CAMKMT: variants seen among roughly 807,000 people sequenced by gnomAD.
CAMKMT encodes the protein CaM KMT.
A neutral mutation model predicts 48.0 loss-of-function variants in CAMKMT; 53 were observed. That is an observed-to-expected ratio of 1.10 (90% CI 0.89 to 1.39). The LOEUF (loss-of-function observed/expected upper bound fraction) is 1.39. Among genes scored for constraint, CAMKMT ranks in the 40% most tolerant of loss-of-function variants. The pLI is 0.00. For synonymous variants in CAMKMT, 165 were observed against 152.3 expected, an observed-to-expected ratio of 1.08 and a Z score of -0.61; for missense variants, 428 against 402.7, an observed-to-expected ratio of 1.06 and a Z score of -0.54.
intron 3 of CAMKMT, among the ~76,000 whole-genome samples, chr2:44,487,710 A>G (rs1384278751): frequency 6.6e-6 from 1 of 152,254 alleles, no homozygotes; most frequent in Admixed American, 6.5e-5. Flanking sequence ...AATGGATGCA[A>G]GTCCTCAAAT....
intron 9 of CAMKMT, 63 bp from the exon 10 acceptor site, chr2:44,766,367 T>C: frequency 6.3e-7 from 1 of 1,587,914 alleles, no homozygotes; most frequent in Non-Finnish European, 8.6e-7. Context: ...CTTTGACCAA[T>C]GTCTGTTATG....
chr2:44,668,332 A>G (rs1675123709), intron 3 of CAMKMT, among the ~76,000 whole-genome samples: 2 of 152,154 alleles, frequency 1.3e-5, no homozygotes, highest in Admixed American at 6.5e-5. Flanking sequence ...AAGGCTAGGC[A>G]TTCTTCTTAT....
chr2:44,745,795 G>C (rs577922816), intron 8 of CAMKMT, among the ~76,000 whole-genome samples: 1 of 152,100 alleles, frequency 6.6e-6, no homozygotes, highest in East Asian at 1.9e-4. Flanking sequence ...TCATATTCGC[G>C]GGGATGGGTA....
chr2:44,553,431 G>A (rs1667832683), intron 3 of CAMKMT, among the ~76,000 whole-genome samples: 1 of 151,304 alleles, frequency 6.6e-6, no homozygotes, highest in Non-Finnish European at 1.5e-5. Context: ...CGCAATCTTG[G>A]CTTACTGTAA....
intron 6 of CAMKMT, among the ~76,000 whole-genome samples, chr2:44,708,299 A>T (rs1463785067): frequency 7.3e-6 from 1 of 136,736 alleles, no homozygotes; most frequent in Non-Finnish European, 1.5e-5. Context: ...AAGCTCCTAA[A>T]CTGCCAAAGC....
In CAMKMT at chr2:44,715,286, G is replaced by A; in HGVS notation, c.557-1G>A. On this transcript the variant is annotated splice_acceptor_variant, in intron 6 of 10. Transcript: ENST00000378494. LOFTEE classifies it high-confidence loss of function. ...GATGTTTTCTTAACTGTGTCCTGTA[G>A]ATGTGCAAGACATCATCACAAGGAA... 1 of 1,609,208 alleles carries A rather than the reference G, an allele frequency of 6.2e-7. No individual in the cohort carries two copies. The highest frequency in any genetic ancestry group is 8.5e-7 in the Non-Finnish European group (1 of 1,176,980).
At chr2:44,766,369 T>C in intron 9 of CAMKMT, 61 bp from the exon 10 acceptor site, 1 of 1,591,972 alleles carries the variant, frequency 6.3e-7, no homozygotes. Flanking sequence ...TTGACCAATG[T>C]CTGTTATGTT....
chr2:44,577,411 G>C (rs919775886), intron 3 of CAMKMT, among the ~76,000 whole-genome samples: 3 of 152,056 alleles, frequency 2.0e-5, no homozygotes, highest in Admixed American at 1.3e-4. Flanking sequence ...TTAAGTTTAG[G>C]CATTAGAGAC....
At chr2:44,591,470 G>A (rs1185002397) in intron 3 of CAMKMT, among the ~76,000 whole-genome samples, 162 of 151,886 alleles carry the variant, frequency 1.1e-3, no homozygotes, top group African/African-American at 2.8e-3. Flanking sequence ...GGTCCTTCAC[G>A]TCCCTTGTAA....
chr2:44,621,380 A>C (rs1672186915), intron 3 of CAMKMT, among the ~76,000 whole-genome samples: 1 of 151,962 alleles, frequency 6.6e-6, no homozygotes, highest in African/African-American at 2.4e-5. Flanking sequence ...CCAAGGCTCT[A>C]CCTGTGTTCC....
intron 3 of CAMKMT, among the ~76,000 whole-genome samples, chr2:44,662,761 G>A (rs1296919187): frequency 6.6e-6 from 1 of 151,914 alleles, no homozygotes; most frequent in Non-Finnish European, 1.5e-5. Context: ...ATGGGATTTT[G>A]CCATATTGCC....
intron 3 of CAMKMT, among the ~76,000 whole-genome samples, chr2:44,674,207 T>G (rs184324558): frequency 5.3e-5 from 8 of 152,340 alleles, no homozygotes; most frequent in Non-Finnish European, 1.0e-4. Flanking sequence ...AGTCAACTCA[T>G]TATTGTTTGA....
intron 3 of CAMKMT, among the ~76,000 whole-genome samples, chr2:44,688,992 G>A (rs1227582536): frequency 1.3e-5 from 2 of 152,132 alleles, no homozygotes; most frequent in African/African-American, 4.8e-5. Flanking sequence ...TTGGAATTTA[G>A]CCATAGTGTT....
At chr2:44,414,895 C>T (rs893724590) in intron 3 of CAMKMT, among the ~76,000 whole-genome samples, 3 of 152,316 alleles carry the variant, frequency 2.0e-5, no homozygotes, top group African/African-American at 7.2e-5. Flanking sequence ...GTGGCTTATG[C>T]CTGTAATCCC....
intron 3 of CAMKMT, among the ~76,000 whole-genome samples, chr2:44,414,673 G>T (rs1683429832): frequency 6.6e-6 from 1 of 152,144 alleles, no homozygotes; most frequent in Non-Finnish European, 1.5e-5. Context: ...CCCTGAGAGA[G>T]GGGACTACAC....
chr2:44,561,054 C>G (rs906341805), intron 3 of CAMKMT, among the ~76,000 whole-genome samples: 1 of 152,160 alleles, frequency 6.6e-6, no homozygotes, highest in East Asian at 1.9e-4. Flanking sequence ...TGTCATATGG[C>G]CTGACCACTG....
In CAMKMT at chr2:44,574,818, G is replaced by C. The variant is rs551017944; in HGVS notation, c.377-129465G>C. 3.3e-3 allele frequency among the ~76,000 whole-genome samples: 508 copies of C among 152,170 alleles called. 2 individuals are homozygous for C. Among genetic ancestry groups the C allele is most frequent in the African/African-American group, 0.011 (477 of 41,506 alleles). ...TGCAGTGGCGCGGTCTCGGCTCACA[G>C]CAACCTCCATCTCCCAGGTTCAAGC... On this transcript the variant is annotated intron_variant, in intron 3 of 10. Coordinates refer to ENST00000378494, the MANE Select transcript of CAMKMT (RefSeq NM_024766.5).
At chr2:44,403,896 C>A (rs1212529703) in intron 3 of CAMKMT, among the ~76,000 whole-genome samples, 2 of 152,114 alleles carry the variant, frequency 1.3e-5, no homozygotes, top group Non-Finnish European at 2.9e-5. Context: ...TTTAGAAATT[C>A]TTTCTTCCCT....
At chr2:44,394,656 G>A (rs1372513539) in intron 3 of CAMKMT, among the ~76,000 whole-genome samples, 1 of 152,036 alleles carries the variant, frequency 6.6e-6, no homozygotes, top group African/African-American at 2.4e-5. Flanking sequence ...TCGAACTGCT[G>A]ACCTCAGGTG....
Sources: gnomAD v4.1 joint callset for allele counts (sites outside exome capture counted in the v4.1 genomes callset) on GRCh38, gnomAD v4.1.1 for gene constraint, MANE v1.5 for transcripts, NCBI Gene and HGNC (gene_info 2026-07-23, HGNC 2026-07-21) for gene names.